Variants in LHFPL4 observed in about 807,000 individuals in gnomAD.
The protein encoded by LHFPL4 is LHFPL tetraspan subfamily member 4, also known as LHFPL tetraspan subfamily member 4 protein.
Under a neutral mutation model 20.0 loss-of-function variants are expected in LHFPL4, and 6 were observed. That is an observed-to-expected ratio of 0.30 (90% CI 0.16 to 0.59). The LOEUF is 0.59. LHFPL4 is among the 20% of genes least tolerant of loss of function. The probability of loss-of-function intolerance (pLI) is 0.88; values close to 1 mark genes in which losing one functional copy is unlikely to be tolerated. For synonymous variants in LHFPL4, 129 were observed against 143.8 expected, an observed-to-expected ratio of 0.90 and a Z score of 0.74; for missense variants, 215 against 331.2, an observed-to-expected ratio of 0.65 and a Z score of 2.72.
At chr3:9,545,486 G>T (rs764238283) in intron 2 of LHFPL4, among the ~76,000 whole-genome samples, 1 of 152,156 alleles carries the variant, frequency 6.6e-6, no homozygotes, top group Non-Finnish European at 1.5e-5. Context: ...GAACAGTCTG[G>T]GAAACATAGT....
Position 9,509,246 on chromosome 3 carries a change from C to CG in LHFPL4, c.407-3044_407-3043insC, listed in dbSNP as rs1360708289. Among the ~76,000 whole-genome samples the CG allele has an allele frequency of 5.9e-4, 87 of 146,866 alleles. 3 individuals carry two copies. Among genetic ancestry groups the CG allele is most frequent in the African/African-American group, 2.0e-3 (79 of 39,248 alleles). ...CCCTTTTCATCTTTCTTCGCACCCC[C>CG]CTCTCTCTCTCTCTGGCTTGTCTAC... is the stretch of plus-strand genomic sequence containing the variant. On this transcript the variant is annotated intron_variant, in intron 2 of 3. Coordinates refer to ENST00000287585, the MANE Select transcript of LHFPL4 (RefSeq NM_198560.3).
intron 2 of LHFPL4, among the ~76,000 whole-genome samples, chr3:9,534,618 T>C (rs750408419): frequency 6.6e-6 from 1 of 152,194 alleles, no homozygotes; most frequent in South Asian, 2.1e-4. Flanking sequence ...GATAACCTGT[T>C]GCACCTTTTG....
chr3:9,514,458 C>T (rs1316216799), intron 2 of LHFPL4, among the ~76,000 whole-genome samples: 1 of 152,160 alleles, frequency 6.6e-6, no homozygotes, highest in African/African-American at 2.4e-5. Flanking sequence ...TCGACATCCC[C>T]CACCAGGGTG....
At chr3:9,509,314 T>C (rs2046242172) in intron 2 of LHFPL4, among the ~76,000 whole-genome samples, 1 of 149,108 alleles carries the variant, frequency 6.7e-6, no homozygotes, top group Non-Finnish European at 1.5e-5. Flanking sequence ...CCTCCCGCTT[T>C]CCCCTTTATT....
chr3:9,539,212 G>C (rs1229789019), intron 2 of LHFPL4, among the ~76,000 whole-genome samples: 3 of 152,072 alleles, frequency 2.0e-5, no homozygotes, highest in Admixed American at 2.0e-4. Context: ...CCAGCACTTT[G>C]GGAGGCTGAG....
intron 2 of LHFPL4, among the ~76,000 whole-genome samples, chr3:9,531,378 G>C (rs1315481184): frequency 6.6e-6 from 1 of 152,134 alleles, no homozygotes; most frequent in Non-Finnish European, 1.5e-5. Flanking sequence ...AATAAAACGA[G>C]GTATGCCTGC....
intron 2 of LHFPL4, among the ~76,000 whole-genome samples, chr3:9,518,763 C>CT (rs200085791): frequency 0.15 from 20,743 of 136,252 alleles, 2,411 homozygotes; most frequent in East Asian, 0.39. Context: ...TTGTTCATTT[C>CT]TTTTTTTTTT....
chr3:9,521,695 G>A (rs1227211622), intron 2 of LHFPL4, among the ~76,000 whole-genome samples: 1 of 136,748 alleles, frequency 7.3e-6, no homozygotes, highest in Non-Finnish European at 1.6e-5. Context: ...GAGCCACCAC[G>A]CCCAGCCTCC....
At chr3:9,536,072 C>T (rs1361076654) in intron 2 of LHFPL4, among the ~76,000 whole-genome samples, 1 of 152,176 alleles carries the variant, frequency 6.6e-6, no homozygotes, top group African/African-American at 2.4e-5. Context: ...GCTGGGATTA[C>T]AAGCGTGAGC....
Position 9,506,128 on chromosome 3 carries a change from G to A in LHFPL4, c.482C>T (p.Ala161Val), listed in dbSNP as rs544531299. 1 of 1,614,148 alleles carries A rather than the reference G, an allele frequency of 6.2e-7. No homozygotes were observed. Among genetic ancestry groups the A allele is most frequent in the South Asian group, 1.1e-5 (1 of 91,076 alleles). ...CCCCAGGGAGTACTTCCCCGTCTTG[G>A]CCCCACACATGTCCCGGATGGTCTC... ...DAETIRDMCG[A>V]KTGKYSLGDC... Residue 161 changes from alanine to valine, a missense_variant, in exon 3 of 4, where the codon GCC becomes GTC. Physicochemically the swap from Ala to Val is moderately conservative, Grantham distance 64 (BLOSUM62 0). Transcript: ENST00000287585. The surrounding 1 kb of genome is among the most constrained non-coding windows in gnomAD (Gnocchi z 4.5).
In LHFPL4 at chr3:9,508,207, C is replaced by T. The variant is rs145817772; in HGVS notation, c.407-2004G>A. 6.8e-3 allele frequency among the ~76,000 whole-genome samples: 1,042 copies of T among 152,278 alleles called. 8 individuals are homozygous for T. The highest frequency in any genetic ancestry group is 0.02 in the Middle Eastern group (6 of 294). On this transcript the variant is annotated intron_variant, in intron 2 of 3. Transcript: ENST00000287585. ...GGCCCCAGCCTCTTCCGGCTTCCAA[C>T]GGAGTGGGCCCTCCTTCTCATCGTG...
Position 9,501,988 on chromosome 3 carries a change from A to C in LHFPL4, c.*223T>G, listed in dbSNP as rs2046179900. The C allele has an allele frequency of 5.2e-6, 3 of 582,190 alleles. No individual in the cohort carries two copies. Among genetic ancestry groups the C allele is most frequent in the Admixed American group, 6.0e-5 (2 of 33,334 alleles). 36.1% of individuals were successfully genotyped at this position (582,190 alleles called of 1,614,324 possible). A position where few individuals can be genotyped will look rare whatever the true frequency, so the allele number is the denominator to read the frequency against. ...ATGCAGGCTCCCTTAGGTCAAATTG[A>C]GGGAGGAGCAAGAATTAGACCCTCC... On this transcript the variant is annotated 3_prime_UTR_variant, in exon 4 of 4. Transcript: ENST00000287585.
intron 2 of LHFPL4, among the ~76,000 whole-genome samples, chr3:9,547,012 A>T (rs1173319431): frequency 2.6e-5 from 4 of 152,160 alleles, no homozygotes; most frequent in Non-Finnish European, 5.9e-5. Flanking sequence ...TTTTTGAGAC[A>T]CGGTCTGGCT....
At chr3:9,521,707 C>CT (rs58585470) in intron 2 of LHFPL4, among the ~76,000 whole-genome samples, 78,294 of 149,272 alleles carry the variant, frequency 0.52, 20,703 homozygotes, top group African/African-American at 0.64. Context: ...CCAGCCTCCA[C>CT]TTTTTTTTTT....
At chr3:9,552,193 C>G in intron 2 of LHFPL4, 81 bp downstream of exon 2, 4 of 1,509,878 alleles carry the variant, frequency 2.6e-6, no homozygotes, top group Non-Finnish European at 3.6e-6. Flanking sequence ...ATCTATCCGA[C>G]TCCTTCAGGA....
In LHFPL4 at chr3:9,501,782, G is replaced by C. The variant is rs1200914079; in HGVS notation, c.*429C>G. ...AAAGAGTCCAGCCCACCCTGGAGCA[G>C]TATCTAGAATAAATTTCTTGAAGAG... On this transcript the variant is annotated 3_prime_UTR_variant, in exon 4 of 4. Transcript: ENST00000287585. The C allele has an allele frequency of 6.1e-6, 1 of 163,238 alleles. No individual in the cohort carries two copies. Among genetic ancestry groups the C allele is most frequent in the Non-Finnish European group, 1.3e-5 (1 of 75,640 alleles). The allele number at this position is 163,238 out of a possible 1,614,324, so 10.1% of individuals were successfully genotyped here. A position where few individuals can be genotyped will look rare whatever the true frequency, so the allele number is the denominator to read the frequency against.
At chr3:9,537,008 C>T (rs2046448205) in intron 2 of LHFPL4, among the ~76,000 whole-genome samples, 1 of 152,098 alleles carries the variant, frequency 6.6e-6, no homozygotes, top group African/African-American at 2.4e-5. Context: ...ATCACTTGAG[C>T]CCAGGAATTT....
chr3:9,533,944 T>G (rs776989177), intron 2 of LHFPL4, among the ~76,000 whole-genome samples: 16 of 151,722 alleles, frequency 1.1e-4, no homozygotes, highest in Non-Finnish European at 1.8e-4. Flanking sequence ...TCGGACACAG[T>G]GGCTCATGCC....
intron 2 of LHFPL4, among the ~76,000 whole-genome samples, chr3:9,512,267 G>A (rs764920132): frequency 1.3e-5 from 2 of 152,150 alleles, no homozygotes; most frequent in Non-Finnish European, 2.9e-5. Flanking sequence ...CCCCCTCTGG[G>A]CCTCAGTTTC....
Sources: allele counts gnomAD v4.1 joint callset (sites outside exome capture counted in the v4.1 genomes callset), GRCh38; gene constraint gnomAD v4.1.1; non-coding constraint Gnocchi (gnomAD v3.1); transcripts MANE v1.5; gene names NCBI Gene and HGNC (gene_info 2026-07-23, HGNC 2026-07-21).